The following HIVEP2 variants were observed in gnomAD, a reference collection of about 807,000 sequenced individuals.
HIVEP2 encodes the protein HIVEP zinc finger 2, also known as transcription factor HIVEP2.
A neutral mutation model predicts 180.7 loss-of-function variants in HIVEP2; 14 were observed. The observed-to-expected ratio is 0.08, with a 90% CI of 0.05 to 0.12. The LOEUF is 0.12. Among genes scored for constraint, HIVEP2 ranks in the 10% least tolerant of loss-of-function variants. HIVEP2 has a pLI of 1.00. For synonymous variants in HIVEP2, 1,184 were observed against 1,136.4 expected, an observed-to-expected ratio of 1.04 and a Z score of -0.84; for missense variants, 2,579 against 3,008.5, an observed-to-expected ratio of 0.86 and a Z score of 3.34.
Position 142,825,700 on chromosome 6 carries a change from G to C in HIVEP2, c.-528+11235C>G, listed in dbSNP as rs566151979. Among the ~76,000 whole-genome samples the C allele has an allele frequency of 8.5e-5, 13 of 152,084 alleles. No homozygotes were observed. The South Asian group carries it at 2.3e-3, about 27-fold the overall frequency. ...AACATTTCCAAACTTAATTCTCTAA[G>C]GCATCTCAGAGAGTGTGACTAAAAA... On this transcript the variant is annotated intron_variant, in intron 2 of 9. Transcript: ENST00000367603.
chr6:142,823,910 T>C (rs1777110577), intron 2 of HIVEP2, among the ~76,000 whole-genome samples: 1 of 152,216 alleles, frequency 6.6e-6, no homozygotes, highest in Admixed American at 6.5e-5. Flanking sequence ...ATTTTAAATG[T>C]TTTATTCATT....
chr6:142,753,894 C>T lies in HIVEP2; in HGVS notation c.6554G>A (p.Ser2185Asn). The T allele has an allele frequency of 2.5e-6, 4 of 1,610,564 alleles. No individual in the cohort carries two copies. The highest frequency in any genetic ancestry group is 3.4e-6 in the Non-Finnish European group (4 of 1,177,766). ...AGCACCTTCTTGGTCTCCATAGAGA[C>T]TGAAGTAAGGAACCTGAGGTAATCC... ...RRGLPQVPYF[S>N]LYGDQEGAYE... is the part of the protein sequence containing the mutation. The change falls in exon 10 of 10, where the codon AGT becomes AAT. Residue 2185 changes from serine to asparagine, a missense_variant. Physicochemically the swap from Ser to Asn is conservative, Grantham distance 46. This residue lies in a region of HIVEP2 where 660 missense variants were observed against 731.7 expected (regional missense o/e 0.90). Coordinates refer to ENST00000367603, the MANE Select transcript of HIVEP2 (RefSeq NM_006734.4).
chr6:142,926,005 G>C lies in HIVEP2; in HGVS notation c.-641+19094C>G, dbSNP rs954707331. Among the ~76,000 whole-genome samples the C allele has an allele frequency of 2.0e-5, 3 of 152,222 alleles. No individual in the cohort carries two copies. The East Asian group carries it at 5.8e-4, about 29-fold the overall frequency. Reference sequence around the variant, plus strand: ...ACAATCACGACTGCTCAGCTGATACGACTCTTCTTTATCATACCTGCAAGT... The same window carrying C: ...ACAATCACGACTGCTCAGCTGATACCACTCTTCTTTATCATACCTGCAAGT... On this transcript the variant is annotated intron_variant, in intron 1 of 9. Transcript: ENST00000367603.
At chr6:142,762,452 G>GCACACACACACACA (rs35168499) in intron 7 of HIVEP2, among the ~76,000 whole-genome samples, 10 of 144,040 alleles carry the variant, frequency 6.9e-5, no homozygotes, top group African/African-American at 2.3e-4. Context: ...ACAGAAGAAT[G>GCACACACACACACA]CACACACACA....
chr6:142,899,927 G>C (rs1777090675), intron 1 of HIVEP2, among the ~76,000 whole-genome samples: 1 of 152,186 alleles, frequency 6.6e-6, no homozygotes. Flanking sequence ...TCAACCTCAA[G>C]TTTTTGGTGA....
chr6:142,845,098 C>T (rs1270142672), intron 1 of HIVEP2, among the ~76,000 whole-genome samples: 2 of 152,154 alleles, frequency 1.3e-5, no homozygotes, highest in African/African-American at 4.8e-5. Context: ...AACGTGTTCT[C>T]ATTATGAAAA....
intron 1 of HIVEP2, among the ~76,000 whole-genome samples, chr6:142,917,409 A>G (rs1777581946): frequency 6.6e-6 from 1 of 152,240 alleles, no homozygotes; most frequent in Non-Finnish European, 1.5e-5. Flanking sequence ...CAGAAGCAAC[A>G]GGTATGAATG....
intron 1 of HIVEP2, among the ~76,000 whole-genome samples, chr6:142,907,326 C>T (rs1030698782): frequency 6.6e-6 from 1 of 152,112 alleles, no homozygotes; most frequent in Non-Finnish European, 1.5e-5. Flanking sequence ...AAAAATAAAA[C>T]CAGCTGCTGC....
chr6:142,873,592 T>C (rs1222611025), intron 1 of HIVEP2, among the ~76,000 whole-genome samples: 1 of 152,182 alleles, frequency 6.6e-6, no homozygotes, highest in East Asian at 1.9e-4. Flanking sequence ...TTATTCTCAA[T>C]TTTGAGCACA....
intron 2 of HIVEP2, among the ~76,000 whole-genome samples, chr6:142,817,848 A>G (rs1365452821): frequency 2.6e-5 from 4 of 151,990 alleles, no homozygotes; most frequent in Non-Finnish European, 5.9e-5. Context: ...TCTACTAAAA[A>G]TACAAAAATT....
chr6:142,924,826 A>C (rs1014974143), intron 1 of HIVEP2, among the ~76,000 whole-genome samples: 4 of 152,234 alleles, frequency 2.6e-5, no homozygotes, highest in Non-Finnish European at 5.9e-5. Flanking sequence ...ATAGTATGTT[A>C]ATCTCCTGGT....
chr6:142,787,428 TTACTC>T lies in HIVEP2; in HGVS notation c.-527-3818_-527-3814del, dbSNP rs1448792496. Among the ~76,000 whole-genome samples the T allele has an allele frequency of 2.6e-5, 4 of 152,012 alleles. No individual in the cohort carries two copies. In the East Asian group the frequency reaches 5.8e-4, roughly 22 times the overall value. ...TACTCTTCACTAGAGAAGAGACACT[TTACTC>T]TTATAGTAGGGAATAGAAAAGATTC... On this transcript the variant is annotated intron_variant, in intron 2 of 9. Transcript: ENST00000367603.
chr6:142,762,473 C>CACAT (rs1775271500), intron 7 of HIVEP2, among the ~76,000 whole-genome samples: 2 of 146,734 alleles, frequency 1.4e-5, no homozygotes, highest in South Asian at 4.3e-4. Flanking sequence ...CACACACACA[C>CACAT]ACACACACAC....
At chr6:142,910,051 T>C (rs1355280132) in intron 1 of HIVEP2, among the ~76,000 whole-genome samples, 1 of 152,256 alleles carries the variant, frequency 6.6e-6, no homozygotes, top group African/African-American at 2.4e-5. Context: ...GACTTCCATA[T>C]ACTGCTCCTA....
intron 1 of HIVEP2, among the ~76,000 whole-genome samples, chr6:142,856,282 A>G (rs1775820302): frequency 8.4e-6 from 1 of 119,480 alleles, no homozygotes; most frequent in African/African-American, 3.4e-5. Context: ...ATTCTCCCCA[A>G]GCCATTCCCA....
In HIVEP2 at chr6:142,872,041, C is replaced by A. The variant is rs544476389; in HGVS notation, c.-640-34994G>T. On this transcript the variant is annotated intron_variant, in intron 1 of 9. Transcript: ENST00000367603. Reference sequence around the variant, plus strand: ...GTGTCTTCTGAATCACTGCCATTACCCGAGAAAACCCCAGGAAGTGGTTTG... The same window carrying A: ...GTGTCTTCTGAATCACTGCCATTACACGAGAAAACCCCAGGAAGTGGTTTG... Among the ~76,000 whole-genome samples the A allele has an allele frequency of 2.6e-5, 4 of 152,238 alleles. No homozygotes were observed. The South Asian group carries it at 6.2e-4, about 24-fold the overall frequency.
chr6:142,894,529 T>C (rs1017246814), intron 1 of HIVEP2, among the ~76,000 whole-genome samples: 1 of 152,216 alleles, frequency 6.6e-6, no homozygotes, highest in Non-Finnish European at 1.5e-5. Flanking sequence ...TGTAACTTTA[T>C]AAAATTATAT....
At chr6:142,842,780 T>C (rs114895842) in intron 1 of HIVEP2, among the ~76,000 whole-genome samples, 1 of 152,126 alleles carries the variant, frequency 6.6e-6, no homozygotes, top group African/African-American at 2.4e-5. Context: ...AAATCGTACT[T>C]TCTGCTTCTT....
At chr6:142,859,651 T>C (rs948963831) in intron 1 of HIVEP2, among the ~76,000 whole-genome samples, 1 of 151,572 alleles carries the variant, frequency 6.6e-6, no homozygotes, top group Non-Finnish European at 1.5e-5. Flanking sequence ...CTGGCTAACA[T>C]GGCGAAACAC....
Sources: allele counts gnomAD v4.1 joint callset (sites outside exome capture counted in the v4.1 genomes callset), GRCh38; gene constraint gnomAD v4.1.1; regional missense constraint gnomAD v4.1.1; transcripts MANE v1.5; gene names NCBI Gene and HGNC (gene_info 2026-07-23, HGNC 2026-07-21).